G6PD: variants seen among roughly 807,000 people sequenced by gnomAD.
The protein encoded by G6PD is glucose-6-phosphate 1-dehydrogenase.
G6PD carries 2 observed loss-of-function variants against 38.2 expected under a neutral mutation model. The ratio of observed to expected loss-of-function variants is 0.05; its 90% CI spans 0.02 to 0.16. The LOEUF (loss-of-function observed/expected upper bound fraction) is 0.16, where lower values mean the gene tolerates loss of function less well. G6PD is among the 10% of genes least tolerant of loss of function. The pLI, the probability that G6PD is intolerant of heterozygous loss-of-function variation, is 1.00. For synonymous variants in G6PD, 188 were observed against 196.0 expected (o/e 0.96, Z 0.34); for missense variants, 310 against 471.6 (o/e 0.66, Z 3.17).
chrX:154,531,626 G>A lies in G6PD; in HGVS notation c.*374C>T, dbSNP rs372578185. The A allele has an allele frequency of 1.5e-5, 4 of 270,067 alleles. No homozygotes were observed. The highest frequency in any genetic ancestry group is 6.2e-5 in the South Asian group (1 of 16,189). The allele number at this position is 270,067 out of a possible 1,213,427, so 22.3% of individuals were successfully genotyped here. A position where few individuals can be genotyped will look rare whatever the true frequency, so the allele number is the denominator to read the frequency against. ...GGCAGATTCTCTCACGTGGGTGCTC[G>A]CCCCTTTCCTCCCCCTCGTCCCTCC... On this transcript the variant is annotated 3_prime_UTR_variant, in exon 13 of 13. Coordinates refer to ENST00000393562, the MANE Select transcript of G6PD (RefSeq NM_001360016.2).
chrX:154,546,813 C>G lies in G6PD; in HGVS notation c.-33G>C. ...CCTGCGCTTCGTCGTCGTCGCCCTCCGCGCTCGCAGCCCCGAAGTGTACGA... is the reference window on the plus strand; with the variant it reads ...CCTGCGCTTCGTCGTCGTCGCCCTCGGCGCTCGCAGCCCCGAAGTGTACGA... On this transcript the variant is annotated 5_prime_UTR_variant, in exon 1 of 13. Coordinates refer to ENST00000393562, the MANE Select transcript of G6PD (RefSeq NM_001360016.2). 1.7e-6 allele frequency: 2 copies of G among 1,163,061 alleles called. No homozygotes were observed. The highest frequency in any genetic ancestry group is 3.8e-5 in the South Asian group (2 of 52,913).
chrX:154,535,832 G>A, intron 4 of G6PD, 105 bp downstream of exon 4: 3 of 642,785 alleles, frequency 4.7e-6, no homozygotes, highest in African/African-American at 2.2e-5. Flanking sequence ...CAGGAGAGGA[G>A]GAGAGCATCC....
intron 2 of G6PD, among the ~76,000 whole-genome samples, chrX:154,538,516 A>G (rs2070437024): frequency 8.9e-6 from 1 of 112,298 alleles, no homozygotes; most frequent in Admixed American, 9.5e-5. Context: ...AAATCTAGCA[A>G]TCTTGCTCAA....
chrX:154,534,228 G>A lies in G6PD; in HGVS notation c.645-68C>T, dbSNP rs782137554. 155 of 1,203,574 alleles carry A rather than the reference G, an allele frequency of 1.3e-4. No individual in the cohort carries two copies. In the East Asian group the frequency reaches 4.4e-3, roughly 34 times the overall value. On this transcript the variant is annotated intron_variant, in intron 6 of 12. Coordinates refer to ENST00000393562, the MANE Select transcript of G6PD (RefSeq NM_001360016.2). ...GTGGTGCAGGGGCCACATGTGAGGG[G>A]TCACCCTTGTCTGAGTTCTGGAGGA...
Position 154,534,457 on chromosome X carries a change from C to G in G6PD, c.525G>C (p.Arg175Ser). The G allele has an allele frequency of 8.3e-7, 1 of 1,211,635 alleles. No individual in the cohort carries two copies. The highest frequency in any genetic ancestry group is 1.1e-6 in the Non-Finnish European group (1 of 895,332). ...ACAGCCGGTCAGAGCTCTGCAGGTC[C>G]CTCCCGAAGGGCTTCTCCACGATGA... ...NRIIVEKPFG[R>S]DLQSSDRLSN... The change falls in exon 6 of 13, where the codon AGG becomes AGC. Residue 175 changes from arginine (R) to serine (S), a missense_variant. This residue lies in a region of G6PD where 96 missense variants were observed against 93.3 expected (regional missense o/e 1.03). Transcript: ENST00000393562.
chrX:154,547,225 G>T, upstream of G6PD: 1 of 554,054 alleles, frequency 1.8e-6, no homozygotes, highest in Non-Finnish European at 2.2e-6. Flanking sequence ...TCCGCCGGCA[G>T]CGTGGCCACG....
rs1557229261 is a variant in G6PD at position 154,531,671 on chromosome X, C to A, written c.*329G>T. On this transcript the variant is annotated 3_prime_UTR_variant, in exon 13 of 13. Coordinates refer to ENST00000393562, the MANE Select transcript of G6PD (RefSeq NM_001360016.2). ...CCCTCCCTCCCACCCTGGCCCCACT[C>A]AGGAGTGAGACCCAGTGGCCAATAA... 7.3e-6 allele frequency: 2 copies of A among 273,197 alleles called. No homozygotes were observed. The highest frequency in any genetic ancestry group is 1.3e-5 in the Non-Finnish European group (2 of 150,696). The allele number at this position is 273,197 out of a possible 1,213,427, so 22.5% of individuals were successfully genotyped here. A position where few individuals can be genotyped will look rare whatever the true frequency, so the allele number is the denominator to read the frequency against.
At chrX:154,547,460 A>G (rs905136160), upstream of G6PD, 2 of 754,012 alleles carry the variant, frequency 2.7e-6, no homozygotes, top group African/African-American at 4.6e-5. Flanking sequence ...CGGCGTGCTT[A>G]TCATTACCGA....
At chrX:154,545,944 G>A in intron 2 of G6PD, 92 bp downstream of exon 2, 1 of 1,111,401 alleles carries the variant, frequency 9.0e-7, no homozygotes, top group Non-Finnish European at 1.2e-6. Flanking sequence ...ACTTAGCAGA[G>A]CCTGTGGGGC....
rs781946823 is a variant in G6PD at position 154,532,445 on chromosome X, G to A, written c.1305C>T (p.Asp435=). Residue 435 remains aspartate, a synonymous_variant, in exon 11 of 13, where the codon GAC becomes GAT. Coordinates refer to ENST00000393562, the MANE Select transcript of G6PD (RefSeq NM_001360016.2). ...CGTCCAGGATGAGGCGCTCATAGGC[G>A]TCAGGGAGCTTCACGTTCTGTGAGG... The part of the protein sequence containing the change: ...GNRYKNVKLP[D]AYERLILDVF... 2.5e-6 allele frequency: 3 copies of A among 1,209,964 alleles called. No homozygotes were observed. Among genetic ancestry groups the A allele is most frequent in the East Asian group, 3.0e-5 (1 of 33,759 alleles).
chrX:154,535,348 A>C lies in G6PD; in HGVS notation c.305T>G (p.Phe102Cys), dbSNP rs886044847. 8.3e-7 allele frequency: 1 copy of C among 1,211,907 alleles called. No individual in the cohort carries two copies. The highest frequency in any genetic ancestry group is 2.2e-5 in the Admixed American group (1 of 46,067). Residue 102 changes from phenylalanine to cysteine, a missense_variant, in exon 5 of 13, where the codon TTT becomes TGT. Physicochemically the swap from Phe to Cys is radical, Grantham distance 205 (BLOSUM62 -2). Around this residue, in one of 4 missense-constraint regions of G6PD, gnomAD observed 96 missense variants for 93.3 expected, o/e 1.03. Coordinates refer to ENST00000393562, the MANE Select transcript of G6PD (RefSeq NM_001360016.2). ...PEEKLKLEDFFARNSYVAGQY... is the reference protein window; with the variant it reads ...PEEKLKLEDFCARNSYVAGQY... ...GCCAGCCACATAGGAGTTGCGGGCA[A>C]AGAAGTCCTCCAGCTTGAGCTTCTC...
chrX:154,538,345 G>A (rs1410811394), intron 2 of G6PD, among the ~76,000 whole-genome samples: 1 of 111,460 alleles, frequency 9.0e-6, no homozygotes, highest in Non-Finnish European at 1.9e-5. Flanking sequence ...ACCAAATCCT[G>A]CAATGTTAAA....
chrX:154,538,457 A>T (rs900118147), intron 2 of G6PD, among the ~76,000 whole-genome samples: 1 of 112,275 alleles, frequency 8.9e-6, no homozygotes, highest in African/African-American at 3.2e-5. Context: ...TTAAGAGATT[A>T]AAAAAAACCT....
rs1557229918 is a variant in G6PD at position 154,533,114 on chromosome X, T to C, written c.879A>G (p.Lys293=). ...DVRDEKVKVL[K]CISEVQANNV... ...TGTTGGCCTGCACCTCTGAGATGCA[T>C]TTCAACACCTTGACCTGAGAGAAAG... is the stretch of plus-strand genomic sequence containing the variant. Residue 293 remains lysine, a synonymous_variant, in exon 9 of 13, where the codon AAA becomes AAG. Coordinates refer to ENST00000393562, the MANE Select transcript of G6PD (RefSeq NM_001360016.2). The C allele has an allele frequency of 2.5e-6, 3 of 1,211,678 alleles. No individual in the cohort carries two copies. Among genetic ancestry groups the C allele is most frequent in the Non-Finnish European group, 3.4e-6 (3 of 895,356 alleles).
intron 2 of G6PD, among the ~76,000 whole-genome samples, chrX:154,543,135 C>A (rs1251663149): frequency 1.8e-5 from 2 of 111,775 alleles, no homozygotes; most frequent in African/African-American, 3.3e-5. Context: ...CCATCTCCCC[C>A]ACAGCAGGAA....
At chrX:154,541,198 G>C (rs1362759645) in intron 2 of G6PD, 6 of 112,153 alleles carry the variant, frequency 5.3e-5, no homozygotes, top group African/African-American at 1.9e-4. Context: ...GAGGCATCGG[G>C]ACAGACTCCA....
intron 2 of G6PD, among the ~76,000 whole-genome samples, chrX:154,536,381 G>A (rs1038716469): frequency 9.0e-6 from 1 of 111,701 alleles, no homozygotes; most frequent in African/African-American, 3.3e-5. Context: ...AGACATAAAC[G>A]CATCTCCTGC....
intron 2 of G6PD, among the ~76,000 whole-genome samples, chrX:154,540,896 A>G (rs2070487500): frequency 9.0e-6 from 1 of 111,180 alleles, no homozygotes; most frequent in Admixed American, 9.6e-5. Flanking sequence ...TGCCAGGACT[A>G]CAGCGACACG....
chrX:154,539,867 C>G (rs898413235), intron 2 of G6PD, among the ~76,000 whole-genome samples: 92 of 110,077 alleles, frequency 8.4e-4, no homozygotes, highest in African/African-American at 2.9e-3. Flanking sequence ...GGACTCCAGG[C>G]ACCTGCCACC....
Sources: gnomAD v4.1 joint callset for allele counts (sites outside exome capture counted in the v4.1 genomes callset) on GRCh38, gnomAD v4.1.1 for gene constraint, gnomAD v4.1.1 regional missense constraint, MANE v1.5 for transcripts, NCBI Gene and HGNC (gene_info 2026-07-23, HGNC 2026-07-21) for gene names.